Variants in LARP1B observed in about 807,000 individuals in gnomAD.
LARP1B encodes the protein La ribonucleoprotein 1B.
A neutral mutation model predicts 114.2 loss-of-function variants in LARP1B; 76 were observed. The ratio of observed to expected loss-of-function variants is 0.67; its 90% CI spans 0.55 to 0.81. The LOEUF (loss-of-function observed/expected upper bound fraction) is 0.81. LARP1B is among the 30% of genes least tolerant of loss of function. The pLI, the probability that LARP1B is intolerant of heterozygous loss-of-function variation, is 0.00. For synonymous variants in LARP1B, 345 were observed against 348.0 expected (o/e 0.99, Z 0.10); for missense variants, 1,014 against 1,075.8 (o/e 0.94, Z 0.80).
intron 11 of LARP1B, chr4:128,122,661 C>A: frequency 7.3e-7 from 1 of 1,375,782 alleles, no homozygotes; most frequent in South Asian, 2.0e-5. Flanking sequence ...GGTGCATGAT[C>A]TAAGGTAGTG....
chr4:128,065,299 TTCTTTCTTTCTTTCTTTCTCTC>T (rs1246344959), intron 1 of LARP1B, among the ~76,000 whole-genome samples: 1 of 128,108 alleles, frequency 7.8e-6, no homozygotes, highest in Non-Finnish European at 1.7e-5. Flanking sequence ...CTTTCTTTCT[TTCTTTCTTTCTTTCTTTCTCTC>T]TCTCTCTCTC....
chr4:128,179,427 A>G lies in LARP1B; in HGVS notation c.1918A>G (p.Arg640Gly). The change falls in exon 15 of 20, where the codon AGG becomes GGG. Residue 640 changes from arginine (R) to glycine (G), a missense_variant. Arg to Gly is a moderately radical substitution (Grantham distance 125). Coordinates refer to ENST00000326639, the MANE Select transcript of LARP1B (RefSeq NM_018078.4). Reference sequence around the variant, plus strand: ...TTAGAGTCCAAGAAAGAGAAAAACAAGGCATAGCACAAATCCCCCTCTAGA... The same window carrying G: ...TTAGAGTCCAAGAAAGAGAAAAACAGGGCATAGCACAAATCCCCCTCTAGA... ...DVKSPRKRKT[R>G]HSTNPPLECH... The G allele has an allele frequency of 6.2e-7, 1 of 1,607,564 alleles. No homozygotes were observed. Among genetic ancestry groups the G allele is most frequent in the Non-Finnish European group, 8.5e-7 (1 of 1,177,536 alleles).
Position 128,071,713 on chromosome 4 carries a change from C to T in LARP1B, c.-77-2747C>T, listed in dbSNP as rs575728835. Among the ~76,000 whole-genome samples, 17 of 152,150 alleles carry T rather than the reference C, an allele frequency of 1.1e-4. No individual in the cohort carries two copies. The South Asian group carries it at 2.1e-3, about 19-fold the overall frequency. On this transcript the variant is annotated intron_variant, in intron 1 of 19. Transcript: ENST00000326639. ...CTGGGATTACAGGCATGAGCCACCGCGCCTGGCCATTCTTTCACATTTTAA... is the reference window on the plus strand; with the variant it reads ...CTGGGATTACAGGCATGAGCCACCGTGCCTGGCCATTCTTTCACATTTTAA...
chr4:128,130,947 A>G (rs999323714), intron 11 of LARP1B, among the ~76,000 whole-genome samples: 3 of 152,236 alleles, frequency 2.0e-5, no homozygotes, highest in African/African-American at 2.4e-5. Flanking sequence ...TACATACTGT[A>G]TGATTCCAAC....
chr4:128,122,424 T>G lies in LARP1B; in HGVS notation c.1524+236T>G. The G allele has an allele frequency of 8.0e-6, 12 of 1,498,350 alleles. 1 individual carries two copies. Among genetic ancestry groups the G allele is most frequent in the Non-Finnish European group, 1.1e-5 (12 of 1,128,820 alleles). The allele number at this position is 1,498,350 out of a possible 1,614,324, so 92.8% of individuals were successfully genotyped here. A position where few individuals can be genotyped will look rare whatever the true frequency, so the allele number is the denominator to read the frequency against. On this transcript the variant is annotated intron_variant, in intron 11 of 19. Transcript: ENST00000326639. ...ATTACAAAAGAAAATTAGTACTCACTGACTTATACCCTTGTTTTTTTTTTT... is the reference window on the plus strand; with the variant it reads ...ATTACAAAAGAAAATTAGTACTCACGGACTTATACCCTTGTTTTTTTTTTT...
chr4:128,119,415 G>A (rs570578224), intron 10 of LARP1B, among the ~76,000 whole-genome samples: 1 of 152,268 alleles, frequency 6.6e-6, no homozygotes, highest in South Asian at 2.1e-4. Context: ...TTCAACTTCT[G>A]TTCAGCCCCA....
chr4:128,139,186 T>A (rs950083111), intron 11 of LARP1B, among the ~76,000 whole-genome samples: 2 of 152,192 alleles, frequency 1.3e-5, no homozygotes, highest in African/African-American at 4.8e-5. Context: ...GTGATTGATA[T>A]CCCCATTACC....
At chr4:128,191,461 G>T (rs1334633052) in intron 15 of LARP1B, among the ~76,000 whole-genome samples, 1 of 152,122 alleles carries the variant, frequency 6.6e-6, no homozygotes, top group Non-Finnish European at 1.5e-5. Flanking sequence ...TTGTATATCA[G>T]TGCCTCCTTT....
chr4:128,076,264 C>A (rs1767825469), intron 3 of LARP1B, among the ~76,000 whole-genome samples: 1 of 152,218 alleles, frequency 6.6e-6, no homozygotes. Flanking sequence ...CTTGGCCTCC[C>A]AAAGTGCTGG....
intron 11 of LARP1B, chr4:128,123,461 C>T: frequency 1.2e-6 from 1 of 840,144 alleles, no homozygotes; most frequent in South Asian, 5.5e-5. Context: ...TATCCTTCCC[C>T]CATTCTCTAT....
chr4:128,187,350 C>A (rs192907171), intron 15 of LARP1B, among the ~76,000 whole-genome samples: 7 of 152,370 alleles, frequency 4.6e-5, no homozygotes, highest in Admixed American at 4.6e-4. Flanking sequence ...CCACCCCTTG[C>A]ACCAGCATAC....
At chr4:128,066,795 C>T (rs921964998) in intron 1 of LARP1B, among the ~76,000 whole-genome samples, 2 of 116,420 alleles carry the variant, frequency 1.7e-5, no homozygotes, top group African/African-American at 2.9e-5. Context: ...TATTTTCTTG[C>T]CATTTTTTTT....
At chr4:128,098,589 T>A (rs951599319) in intron 8 of LARP1B, among the ~76,000 whole-genome samples, 1 of 150,776 alleles carries the variant, frequency 6.6e-6, no homozygotes, top group Non-Finnish European at 1.5e-5. Flanking sequence ...TTAAACCTGA[T>A]CCTTCAAACT....
At chr4:128,108,845 G>A in intron 9 of LARP1B, 1 of 980,570 alleles carries the variant, frequency 1.0e-6, no homozygotes, top group Non-Finnish European at 1.2e-6. Context: ...AGTCAAGTTG[G>A]TAATGCCTGT....
Position 128,108,715 on chromosome 4 carries a change from G to A in LARP1B, c.988+1402G>A, listed in dbSNP as rs927749428. 17 of 984,752 alleles carry A rather than the reference G, an allele frequency of 1.7e-5. No homozygotes were observed. In the African/African-American group the frequency reaches 3.0e-4, roughly 17 times the overall value. The allele number at this position is 984,752 out of a possible 1,614,324, so 61.0% of individuals were successfully genotyped here. A position where few individuals can be genotyped will look rare whatever the true frequency, so the allele number is the denominator to read the frequency against. On this transcript the variant is annotated intron_variant, in intron 9 of 19. Transcript: ENST00000326639. ...GATTATATAAGTTAGATTTATTTAT[G>A]ATATCAACTTGGGTCCAAGATGATA...
At chr4:128,068,265 A>G (rs958945001) in intron 1 of LARP1B, among the ~76,000 whole-genome samples, 4 of 147,876 alleles carry the variant, frequency 2.7e-5, no homozygotes, top group Non-Finnish European at 6.0e-5. Context: ...TGATTGACCC[A>G]CCTTGGCCTC....
chr4:128,189,978 T>A (rs1054757364), intron 15 of LARP1B, among the ~76,000 whole-genome samples: 1 of 152,266 alleles, frequency 6.6e-6, no homozygotes, highest in Non-Finnish European at 1.5e-5. Context: ...TAACAATTAC[T>A]GCATTAGAGC....
intron 9 of LARP1B, 47 bp downstream of exon 9, chr4:128,107,360 G>T: frequency 6.3e-7 from 1 of 1,598,982 alleles, no homozygotes; most frequent in Non-Finnish European, 8.5e-7. Context: ...TGGGTTATTT[G>T]GTCCAATTTA....
In LARP1B at chr4:128,077,969, T is replaced by A; in HGVS notation, c.217+7T>A. On this transcript the variant is annotated splice_region_variant and intron_variant, in intron 4 of 19. Transcript: ENST00000326639. Reference sequence around the variant, plus strand: ...AGTAATCAACGTAAGAGAGGTCAGTTTGTCCATATCTTTATTTTGATTTTA... The same window carrying A: ...AGTAATCAACGTAAGAGAGGTCAGTATGTCCATATCTTTATTTTGATTTTA... The A allele has an allele frequency of 1.3e-6, 2 of 1,534,016 alleles. No individual in the cohort carries two copies. The highest frequency in any genetic ancestry group is 2.6e-5 in the South Asian group (2 of 76,016).
Sources: allele counts gnomAD v4.1 joint callset (sites outside exome capture counted in the v4.1 genomes callset), GRCh38; gene constraint gnomAD v4.1.1; transcripts MANE v1.5; gene names NCBI Gene and HGNC (gene_info 2026-07-23, HGNC 2026-07-21).